The following AIG1 variants were observed in gnomAD, a reference collection of about 807,000 sequenced individuals.
The protein encoded by AIG1 is androgen induced 1.
A neutral mutation model predicts 31.4 loss-of-function variants in AIG1; 23 were observed. The ratio of observed to expected loss-of-function variants is 0.73; its 90% CI spans 0.53 to 1.04. The LOEUF is 1.04. Among genes scored for constraint, AIG1 ranks in the 50% least tolerant of loss-of-function variants. The pLI is 0.00. For missense variants in AIG1, 274 were observed against 295.0 expected (o/e 0.93, Z 0.52); for synonymous variants, 100 against 110.5 (o/e 0.90, Z 0.60).
At chr6:143,079,312 C>A (rs1343330700) in intron 1 of AIG1, among the ~76,000 whole-genome samples, 1 of 152,112 alleles carries the variant, frequency 6.6e-6, no homozygotes, top group Non-Finnish European at 1.5e-5. Flanking sequence ...GGGGCTTCTC[C>A]TGGAGTTTTT....
intron 4 of AIG1, among the ~76,000 whole-genome samples, chr6:143,319,349 A>C (rs1240015171): frequency 6.6e-6 from 1 of 152,232 alleles, no homozygotes; most frequent in Non-Finnish European, 1.5e-5. Flanking sequence ...ATGGTAGACC[A>C]TTATTCTAAG....
At chr6:143,061,430 T>C in intron 1 of AIG1, 1 of 384,570 alleles carries the variant, frequency 2.6e-6, no homozygotes, top group Admixed American at 3.3e-5. Context: ...CTGAATGGCC[T>C]GAGACCCATT....
chr6:143,319,125 GT>G (rs1467998191), intron 4 of AIG1, among the ~76,000 whole-genome samples: 2 of 152,086 alleles, frequency 1.3e-5, no homozygotes, highest in Non-Finnish European at 2.9e-5. Flanking sequence ...CCACTACTGG[GT>G]ATCTACCCAG....
chr6:143,182,613 C>G (rs1788839805), intron 3 of AIG1, among the ~76,000 whole-genome samples: 1 of 152,152 alleles, frequency 6.6e-6, no homozygotes, highest in African/African-American at 2.4e-5. Context: ...CCTGCTCCCC[C>G]TTCCCATGGC....
At chr6:143,309,798 A>T (rs1406111924) in intron 4 of AIG1, among the ~76,000 whole-genome samples, 1 of 151,812 alleles carries the variant, frequency 6.6e-6, no homozygotes, top group Admixed American at 6.6e-5. Context: ...TAAGAGTAAA[A>T]TGATGAAGAA....
intron 4 of AIG1, among the ~76,000 whole-genome samples, chr6:143,312,412 G>T (rs940315247): frequency 6.6e-6 from 1 of 151,826 alleles, no homozygotes; most frequent in Non-Finnish European, 1.5e-5. Context: ...CCAAAGAACT[G>T]CAATAAACCC....
At position 143,136,895 on chromosome 6, in the gene AIG1, C is replaced by A. The variant is rs751011953; in HGVS notation, c.202C>A (p.Arg68=). ...VLTDLSSLLT[R]GSGNQEQERQ... is the part of the protein sequence containing the mutation. ...GACTGATCTTTCCAGTCTTCTGACT[C>A]GAGGAAGTGGGAACCAGGAGCAAGA... The change falls in exon 2 of 6, where the codon CGA becomes AGA. Residue 68 remains arginine (R), a synonymous_variant. Coordinates refer to ENST00000357847, the MANE Select transcript of AIG1 (RefSeq NM_016108.4). The A allele has an allele frequency of 3.9e-6, 6 of 1,533,046 alleles. No homozygotes were observed. The East Asian group carries it at 1.2e-4, about 31-fold the overall frequency. 95.0% of individuals were successfully genotyped at this position (1,533,046 alleles called of 1,614,324 possible).
chr6:143,271,866 A>AG (rs5880559), intron 3 of AIG1, among the ~76,000 whole-genome samples: 90,195 of 152,006 alleles, frequency 0.59, 29,782 homozygotes, highest in East Asian at 0.88. Context: ...AATTGCATTC[A>AG]GAACTTATTT....
At chr6:143,278,509 C>G (rs1164866135) in intron 3 of AIG1, among the ~76,000 whole-genome samples, 2 of 149,784 alleles carry the variant, frequency 1.3e-5, no homozygotes, top group African/African-American at 4.9e-5. Context: ...CGCTCTGTCA[C>G]CCAGGCTGCA....
At chr6:143,227,369 G>A (rs1000276918) in intron 3 of AIG1, among the ~76,000 whole-genome samples, 4 of 151,938 alleles carry the variant, frequency 2.6e-5, no homozygotes, top group Admixed American at 6.6e-5. Context: ...CAGCTGCCCC[G>A]TGCCCCTGCC....
chr6:143,108,800 G>A (rs760271360), intron 1 of AIG1, among the ~76,000 whole-genome samples: 16 of 152,136 alleles, frequency 1.1e-4, no homozygotes, highest in Non-Finnish European at 2.4e-4. Context: ...TACATGAATT[G>A]ACTACAGCTT....
intron 5 of AIG1, chr6:143,339,408 T>C: frequency 4.9e-6 from 2 of 405,758 alleles, no homozygotes; most frequent in South Asian, 5.9e-5. Context: ...AGATGCTGTG[T>C]CCTGATTCTG....
intron 2 of AIG1, among the ~76,000 whole-genome samples, chr6:143,155,392 G>A (rs141030431): frequency 8.9e-4 from 135 of 152,152 alleles, no homozygotes; most frequent in African/African-American, 2.7e-3. Flanking sequence ...TTCTTCTTGT[G>A]GGGGGGATAT....
At chr6:143,271,981 C>T (rs1796557020) in intron 3 of AIG1, among the ~76,000 whole-genome samples, 1 of 152,142 alleles carries the variant, frequency 6.6e-6, no homozygotes, top group South Asian at 2.1e-4. Context: ...TCAACAAAAG[C>T]TTAGCATACA....
chr6:143,182,225 G>A (rs545543164), intron 3 of AIG1, among the ~76,000 whole-genome samples: 2 of 152,194 alleles, frequency 1.3e-5, no homozygotes, highest in Non-Finnish European at 2.9e-5. Flanking sequence ...GTAGAGCCAG[G>A]TTCTCACTAT....
At chr6:143,060,383 C>G (rs946199855), upstream of AIG1, 1 of 185,450 alleles carries the variant, frequency 5.4e-6, no homozygotes, top group African/African-American at 2.4e-5. Flanking sequence ...CACCAGCTCT[C>G]GGCCAACTGC....
chr6:143,068,236 C>T (rs1464154123), intron 1 of AIG1, among the ~76,000 whole-genome samples: 4 of 152,190 alleles, frequency 2.6e-5, no homozygotes, highest in Admixed American at 6.5e-5. Flanking sequence ...CTGTGTGTTC[C>T]TCTGAAATGT....
chr6:143,210,465 T>C (rs2128614851), intron 3 of AIG1, among the ~76,000 whole-genome samples: 1 of 152,242 alleles, frequency 6.6e-6, no homozygotes, highest in African/African-American at 2.4e-5. Flanking sequence ...AAAGGAAAGA[T>C]GAAAAGTAGC....
intron 3 of AIG1, chr6:143,189,709 C>T (rs147330333): frequency 3.0e-6 from 3 of 985,238 alleles, no homozygotes; most frequent in African/African-American, 1.7e-5. Flanking sequence ...AACTGAAGAA[C>T]ACAATTTCCC....
Sources: allele counts gnomAD v4.1 joint callset (sites outside exome capture counted in the v4.1 genomes callset), GRCh38; gene constraint gnomAD v4.1.1; transcripts MANE v1.5; gene names NCBI Gene and HGNC (gene_info 2026-07-23, HGNC 2026-07-21).